The following LDLRAD4 variants were observed in gnomAD, a reference collection of about 807,000 sequenced individuals.
LDLRAD4 encodes low density lipoprotein receptor class A domain containing 4, also known as low-density lipoprotein receptor class A domain-containing protein 4.
LDLRAD4 carries 5 observed loss-of-function variants against 17.0 expected under a neutral mutation model. The ratio of observed to expected loss-of-function variants is 0.29; its 90% confidence interval spans 0.15 to 0.62. LDLRAD4 has a LOEUF of 0.62. Ranked by LOEUF, LDLRAD4 falls within the 20% of genes least tolerant of loss-of-function variation. LDLRAD4 has a pLI of 0.84. For synonymous variants in LDLRAD4, 168 were observed against 171.8 expected (o/e 0.98, Z 0.17); for missense variants, 340 against 424.7 (o/e 0.80, Z 1.75).
chr18:13,252,622 G>A (rs1322294100), intron 1 of LDLRAD4, among the ~76,000 whole-genome samples: 1 of 152,208 alleles, frequency 6.6e-6, no homozygotes, highest in Non-Finnish European at 1.5e-5. Context: ...GCTGCACCCT[G>A]GGAACTCGGT....
At chr18:13,343,597 C>T (rs982942969) in intron 1 of LDLRAD4, among the ~76,000 whole-genome samples, 6 of 152,116 alleles carry the variant, frequency 3.9e-5, no homozygotes, top group Non-Finnish European at 5.9e-5. Flanking sequence ...GGTATATACC[C>T]AGTAATGGGA....
intron 2 of LDLRAD4, among the ~76,000 whole-genome samples, chr18:13,435,404 A>ATGAC (rs1188885286): frequency 6.6e-6 from 1 of 152,216 alleles, no homozygotes; most frequent in Non-Finnish European, 1.5e-5. Flanking sequence ...TATTGGGCTA[A>ATGAC]TGACTCACTG....
At chr18:13,388,153 T>A (rs1005160902) in intron 2 of LDLRAD4, among the ~76,000 whole-genome samples, 4 of 152,210 alleles carry the variant, frequency 2.6e-5, no homozygotes, top group African/African-American at 9.7e-5. Context: ...TGCCGATGTG[T>A]GCTTGGTGCC....
intron 1 of LDLRAD4, among the ~76,000 whole-genome samples, chr18:13,265,740 T>A (rs1040476650): frequency 1.3e-5 from 2 of 152,056 alleles, no homozygotes; most frequent in Admixed American, 1.3e-4. Flanking sequence ...TGGCCATGGG[T>A]CCTGCTTGCC....
At chr18:13,549,729 C>G (rs1370586264) in intron 3 of LDLRAD4, among the ~76,000 whole-genome samples, 1 of 151,992 alleles carries the variant, frequency 6.6e-6, no homozygotes, top group East Asian at 1.9e-4. Context: ...AGACCAGCAG[C>G]ACCCTATGCA....
chr18:13,248,415 G>C (rs1390055231), intron 1 of LDLRAD4, among the ~76,000 whole-genome samples: 1 of 152,238 alleles, frequency 6.6e-6, no homozygotes, highest in African/African-American at 2.4e-5. Context: ...TGCCCTGGCA[G>C]AGCTTTCTGT....
intron 3 of LDLRAD4, among the ~76,000 whole-genome samples, chr18:13,480,907 C>T (rs927967160): frequency 7.2e-5 from 11 of 152,198 alleles, no homozygotes; most frequent in Non-Finnish European, 1.5e-4. Flanking sequence ...GGCTGTCAGC[C>T]GTGTCAGCCA....
At chr18:13,620,934 C>T (rs949380622) in intron 3 of LDLRAD4, 183 bp from the exon 5 acceptor site, 38 of 828,580 alleles carry the variant, frequency 4.6e-5, no homozygotes, top group South Asian at 1.8e-4. Flanking sequence ...CACAGCCTCC[C>T]GACTGTGCCG....
Position 13,540,001 on chromosome 18 carries a change from C to T in LDLRAD4, c.182-81116C>T, listed in dbSNP as rs140599953. Among the ~76,000 whole-genome samples, 136 of 152,288 alleles carry T rather than the reference C, an allele frequency of 8.9e-4. 3 individuals are homozygous for T. In the East Asian group the frequency reaches 0.023, roughly 26 times the overall value. Reference sequence around the variant, plus strand: ...AGGCAAAGTCCTGTAGGCCCTGACACCCCCAGGGTTGGGGCCGATGGAGCC... The same window carrying T: ...AGGCAAAGTCCTGTAGGCCCTGACATCCCCAGGGTTGGGGCCGATGGAGCC... On this transcript the variant is annotated intron_variant, in intron 3 of 5. Coordinates refer to ENST00000359446, the Ensembl canonical transcript of LDLRAD4.
intron 1 of LDLRAD4, among the ~76,000 whole-genome samples, chr18:13,230,087 C>T (rs780222156): frequency 2.0e-5 from 3 of 152,212 alleles, no homozygotes; most frequent in Non-Finnish European, 4.4e-5. Context: ...GAGGCTTCTC[C>T]CTCATGTGTG....
chr18:13,244,666 A>G (rs74396657), intron 1 of LDLRAD4, among the ~76,000 whole-genome samples: 2 of 152,104 alleles, frequency 1.3e-5, no homozygotes, highest in African/African-American at 4.8e-5. Context: ...AAGTGTTGCC[A>G]TCAAAAGCTT....
intron 4 of LDLRAD4, among the ~76,000 whole-genome samples, chr18:13,626,117 C>G (rs1244524211): frequency 6.6e-6 from 1 of 152,074 alleles, no homozygotes; most frequent in African/African-American, 2.4e-5. Context: ...ACATCACAGA[C>G]AAAGCAAATG....
chr18:13,397,747 A>G (rs2086816363), intron 2 of LDLRAD4, among the ~76,000 whole-genome samples: 1 of 152,194 alleles, frequency 6.6e-6, no homozygotes, highest in African/African-American at 2.4e-5. Flanking sequence ...CGGTGCTACC[A>G]CGGCGCAGCA....
At chr18:13,544,951 ATTAC>A (rs1208526082) in intron 3 of LDLRAD4, among the ~76,000 whole-genome samples, 45 of 140,436 alleles carry the variant, frequency 3.2e-4, no homozygotes, top group African/African-American at 1.1e-3. Flanking sequence ...ATGAACAAGT[ATTAC>A]TTTTATAATT....
intron 3 of LDLRAD4, among the ~76,000 whole-genome samples, chr18:13,602,549 A>T (rs1406368942): frequency 1.6e-5 from 2 of 125,532 alleles, no homozygotes; most frequent in African/African-American, 6.2e-5. Flanking sequence ...CCCAGGCTGG[A>T]GTGGAGTGGC....
At chr18:13,301,106 A>G (rs2046572160) in intron 1 of LDLRAD4, among the ~76,000 whole-genome samples, 1 of 151,920 alleles carries the variant, frequency 6.6e-6, no homozygotes, top group Non-Finnish European at 1.5e-5. Flanking sequence ...AGGTGTTGGG[A>G]GTGGGAAGCA....
At chr18:13,376,693 C>T (rs528983781) in intron 1 of LDLRAD4, among the ~76,000 whole-genome samples, 14 of 152,286 alleles carry the variant, frequency 9.2e-5, no homozygotes, top group South Asian at 4.1e-4. Context: ...CTATCACACG[C>T]GGTTCCAGAG....
At chr18:13,220,691 G>A (rs2041401716) in intron 1 of LDLRAD4, among the ~76,000 whole-genome samples, 1 of 152,224 alleles carries the variant, frequency 6.6e-6, no homozygotes, top group South Asian at 2.1e-4. Flanking sequence ...TTTACAGTTT[G>A]GGACTGTGCT....
rs1045489297 is a variant in LDLRAD4, at chr18:13,639,115, T to C, written c.337-4244T>C. ...GTGAACTACTTTAAGTATTATCTTATTTCACAGCTTATTTTGAGTGATACA... is the reference window on the plus strand; with the variant it reads ...GTGAACTACTTTAAGTATTATCTTACTTCACAGCTTATTTTGAGTGATACA... On this transcript the variant is annotated intron_variant, in intron 4 of 5. Coordinates refer to ENST00000359446, the Ensembl canonical transcript of LDLRAD4. Among the ~76,000 whole-genome samples, 4 of 152,250 alleles carry C rather than the reference T, an allele frequency of 2.6e-5. No homozygotes were observed. The South Asian group carries it at 8.3e-4, about 31-fold the overall frequency.
Sources: allele counts gnomAD v4.1 joint callset (sites outside exome capture counted in the v4.1 genomes callset), GRCh38; gene constraint gnomAD v4.1.1; transcripts MANE v1.5; gene names NCBI Gene and HGNC (gene_info 2026-07-23, HGNC 2026-07-21).